Variants in MACROD2 observed in about 807,000 individuals in gnomAD.
The protein encoded by MACROD2 is mono-ADP ribosylhydrolase 2, also known as ADP-ribose glycohydrolase MACROD2.
MACROD2 carries 36 observed loss-of-function variants against 70.4 expected under a neutral mutation model. The observed-to-expected ratio is 0.51, with a 90% CI of 0.39 to 0.68. The LOEUF (loss-of-function observed/expected upper bound fraction) is 0.68, where lower values mean the gene tolerates loss of function less well. Ranked by LOEUF, MACROD2 falls within the 30% of genes least tolerant of loss-of-function variation. The pLI is 0.00. For missense variants in MACROD2, 496 were observed against 538.4 expected, an observed-to-expected ratio of 0.92 and a Z score of 0.78; for synonymous variants, 172 against 178.8, an observed-to-expected ratio of 0.96 and a Z score of 0.30.
intron 5 of MACROD2, among the ~76,000 whole-genome samples, chr20:15,056,239 C>T (rs919888415): frequency 6.6e-6 from 1 of 152,150 alleles, no homozygotes; most frequent in African/African-American, 2.4e-5. Context: ...GGGAGCTAAG[C>T]ATTTCTAAAG....
At chr20:15,639,804 G>T (rs1438489192) in intron 8 of MACROD2, among the ~76,000 whole-genome samples, 1 of 152,028 alleles carries the variant, frequency 6.6e-6, no homozygotes, top group Non-Finnish European at 1.5e-5. Flanking sequence ...AAAAGAGAGT[G>T]GGGGGAAAGA....
rs77283238 is a variant in MACROD2 at position 14,902,125 on chromosome 20, A to C, written c.418+217166A>C. 4.0e-3 allele frequency among the ~76,000 whole-genome samples: 604 copies of C among 152,334 alleles called. 38 individuals are homozygous for C. The East Asian group carries it at 0.097, about 24-fold the overall frequency. On this transcript the variant is annotated intron_variant, in intron 5 of 17. Transcript: ENST00000684519. ...TATTGGAAATATTGAAGGGCCATTA[A>C]ATTTAAAAATGCTTTTGTAAATGCA...
At chr20:14,791,562 C>T (rs1490651842) in intron 5 of MACROD2, among the ~76,000 whole-genome samples, 3 of 151,984 alleles carry the variant, frequency 2.0e-5, no homozygotes, top group Non-Finnish European at 2.9e-5. Flanking sequence ...TCATGTGGAA[C>T]ATGAGAAAAT....
intron 5 of MACROD2, among the ~76,000 whole-genome samples, chr20:14,839,380 A>G (rs551290330): frequency 1.6e-4 from 25 of 152,238 alleles, no homozygotes; most frequent in African/African-American, 5.8e-4. Flanking sequence ...TGGACATTGG[A>G]AAAGCAGCTT....
intron 3 of MACROD2, among the ~76,000 whole-genome samples, chr20:14,412,024 G>A (rs181467297): frequency 1.4e-4 from 21 of 152,266 alleles, no homozygotes; most frequent in Admixed American, 1.1e-3. Context: ...AACCAAAAGT[G>A]TCATTAATGT....
intron 15 of MACROD2, among the ~76,000 whole-genome samples, chr20:16,010,726 A>G (rs1444092924): frequency 6.6e-6 from 1 of 152,112 alleles, no homozygotes; most frequent in Non-Finnish European, 1.5e-5. Context: ...CATCCCCTCC[A>G]TCCCTTCTGG....
intron 3 of MACROD2, among the ~76,000 whole-genome samples, chr20:14,426,542 A>G (rs1254961934): frequency 6.6e-6 from 1 of 152,062 alleles, no homozygotes; most frequent in Non-Finnish European, 1.5e-5. Flanking sequence ...TTGCTTATCC[A>G]CTGACATGTA....
intron 6 of MACROD2, among the ~76,000 whole-genome samples, chr20:15,407,253 TTAGCCAGCTA>T (rs1315881214): frequency 1.2e-4 from 19 of 152,066 alleles, no homozygotes; most frequent in Non-Finnish European, 1.9e-4. Flanking sequence ...AAATGCAGAG[TTAGCCAGCTA>T]GGGATGGGAG....
chr20:14,223,538 C>T (rs11905500), intron 3 of MACROD2, among the ~76,000 whole-genome samples: 28,841 of 143,662 alleles, frequency 0.2, 3,097 homozygotes, highest in South Asian at 0.32. Context: ...GACGGAGTCT[C>T]ACCCTGTTGC....
intron 3 of MACROD2, among the ~76,000 whole-genome samples, chr20:14,253,210 C>T (rs1701465200): frequency 6.6e-6 from 1 of 151,994 alleles, no homozygotes; most frequent in Admixed American, 6.6e-5. Context: ...TCAGAGCTTC[C>T]ATTTCCCCTC....
intron 5 of MACROD2, among the ~76,000 whole-genome samples, chr20:15,046,284 CATG>C (rs1166209336): frequency 2.0e-5 from 3 of 152,160 alleles, no homozygotes; most frequent in African/African-American, 7.2e-5. Context: ...AACCTTCCCA[CATG>C]ATGACTTCTA....
chr20:14,893,466 G>A (rs1295899845), intron 5 of MACROD2: 1 of 151,904 alleles, frequency 6.6e-6, no homozygotes, highest in East Asian at 1.9e-4. Context: ...TTTGATAATA[G>A]CCATCCTAAT....
intron 5 of MACROD2, among the ~76,000 whole-genome samples, chr20:14,861,669 C>A (rs2073319085): frequency 6.6e-6 from 1 of 151,632 alleles, no homozygotes; most frequent in Non-Finnish European, 1.5e-5. Context: ...TCTGTCCCTC[C>A]CACACACAAC....
chr20:14,723,676 TGTACATTTGGTG>T (rs1228191310), intron 5 of MACROD2, among the ~76,000 whole-genome samples: 3 of 151,816 alleles, frequency 2.0e-5, no homozygotes, highest in Non-Finnish European at 4.4e-5. Context: ...AGTTTCCTCA[TGTACATTTGGTG>T]GTACATTTTT....
intron 5 of MACROD2, among the ~76,000 whole-genome samples, chr20:15,033,047 T>A (rs949556760): frequency 4.6e-5 from 7 of 152,134 alleles, no homozygotes; most frequent in African/African-American, 1.4e-4. Flanking sequence ...AAAAGTAGAT[T>A]ACGGGTTTCC....
At chr20:15,725,853 T>G (rs915907817) in intron 8 of MACROD2, among the ~76,000 whole-genome samples, 1 of 151,954 alleles carries the variant, frequency 6.6e-6, no homozygotes. Context: ...TTATATTTTA[T>G]ATTAACTTTT....
chr20:14,372,859 T>C (rs1049734382), intron 3 of MACROD2, among the ~76,000 whole-genome samples: 1 of 152,230 alleles, frequency 6.6e-6, no homozygotes, highest in Non-Finnish European at 1.5e-5. Context: ...TGGTTCTGTT[T>C]GCTGTGTCTT....
chr20:16,043,635 A>G (rs542000443), intron 16 of MACROD2, among the ~76,000 whole-genome samples: 1 of 152,156 alleles, frequency 6.6e-6, no homozygotes, highest in South Asian at 2.1e-4. Flanking sequence ...AGTCAGGTAA[A>G]AGCACACGTT....
intron 8 of MACROD2, among the ~76,000 whole-genome samples, chr20:15,541,891 A>G (rs1444019297): frequency 1.3e-5 from 2 of 152,072 alleles, no homozygotes; most frequent in Non-Finnish European, 2.9e-5. Flanking sequence ...TCCCCACTAC[A>G]CCACATGGGA....
Sources: allele counts gnomAD v4.1 joint callset (sites outside exome capture counted in the v4.1 genomes callset), GRCh38; gene constraint gnomAD v4.1.1; transcripts MANE v1.5; gene names NCBI Gene and HGNC (gene_info 2026-07-23, HGNC 2026-07-21).